PATE3: variants seen among roughly 807,000 people sequenced by gnomAD.
PATE3 encodes prostate and testis expressed 3.
Under a neutral mutation model 7.4 loss-of-function variants are expected in PATE3, and 7 were observed. That is an observed-to-expected ratio of 0.95 (90% confidence interval 0.54 to 1.78). PATE3 has a LOEUF of 1.78. Among genes scored for constraint, PATE3 ranks in the 40% most tolerant of loss-of-function variants. PATE3 has a pLI of 0.00. For missense variants in PATE3, 117 were observed against 122.5 expected, an observed-to-expected ratio of 0.96 and a Z score of 0.21; for synonymous variants, 38 against 40.2, an observed-to-expected ratio of 0.94 and a Z score of 0.21.
intron 2 of PATE3, among the ~76,000 whole-genome samples, chr11:125,790,105 T>C (rs1943596554): frequency 6.6e-6 from 1 of 152,148 alleles, no homozygotes; most frequent in Admixed American, 6.5e-5. Context: ...GTCATGGAGG[T>C]AGAGACTAGA....
In PATE3 at chr11:125,789,486, C is replaced by A. The variant is rs1943592194; in HGVS notation, c.150C>A (p.Cys50Ter). Residue 50 changes from cysteine (C) to a stop codon, truncating the protein, a stop_gained, in exon 2 of 3, where the codon TGC becomes TGA. Transcript: ENST00000445202. LOFTEE classifies it low-confidence loss of function (END_TRUNC). The part of the protein sequence containing the change: ...GVCTAQKGEA[C>*]MLLRIYQRNT... The stretch of plus-strand genomic sequence containing the variant: ...GTACTGCTCAGAAGGGCGAGGCATG[C>A]ATGCTCTTAAGGATTTACCAGCGTA... 2 of 1,551,602 alleles carry A rather than the reference C, an allele frequency of 1.3e-6. No homozygotes were observed. Among genetic ancestry groups the A allele is most frequent in the Non-Finnish European group, 1.7e-6 (2 of 1,146,920 alleles).
chr11:125,789,270 CTCT>C (rs1419781061), intron 1 of PATE3, 113 bp from the exon 2 acceptor site: 2 of 1,061,408 alleles, frequency 1.9e-6, no homozygotes, highest in Non-Finnish European at 1.3e-6. Flanking sequence ...CAACCAGTAG[CTCT>C]TCATCTGCCT....
chr11:125,790,509 T>C lies in PATE3; in HGVS notation c.204T>C (p.Cys68=), dbSNP rs1943601390. The change falls in exon 3 of 3, where the codon TGT becomes TGC. Residue 68 remains cysteine (C), a synonymous_variant. Coordinates refer to ENST00000445202, the MANE Select transcript of PATE3 (RefSeq NM_001129883.4). ...CTCTCCAGATATCATACATGGTGTGTCAGAAATTCTGCAGAGACATGACAT... is the reference window on the plus strand; with the variant it reads ...CTCTCCAGATATCATACATGGTGTGCCAGAAATTCTGCAGAGACATGACAT... ...RNTLQISYMV[C]QKFCRDMTFD... 6.4e-7 allele frequency: 1 copy of C among 1,551,154 alleles called. No individual in the cohort carries two copies. The highest frequency in any genetic ancestry group is 8.7e-7 in the Non-Finnish European group (1 of 1,146,638).
Position 125,789,528 on chromosome 11 carries a change from A to C in PATE3, c.172+20A>C, listed in dbSNP as rs495869. 889,368 of 1,544,806 alleles carry C rather than the reference A, an allele frequency of 0.58. 257,306 individuals are homozygous for C. The highest frequency in any genetic ancestry group is 0.59 in the Non-Finnish European group (673,036 of 1,142,090). On this transcript the variant is annotated intron_variant, in intron 2 of 2. Coordinates refer to ENST00000445202, the MANE Select transcript of PATE3 (RefSeq NM_001129883.4). ...ACCAGCGTAAGTTAGAGGGTCAGGG[A>C]AGGTGTTGTAAGATTCTTAGAATTC...
At chr11:125,789,239 C>G in intron 1 of PATE3, 147 bp from the exon 2 acceptor site, 1 of 719,458 alleles carries the variant, frequency 1.4e-6, no homozygotes, top group Non-Finnish European at 2.2e-6. Flanking sequence ...AGAGCTCCAA[C>G]TGTTTACCGC....
intron 2 of PATE3, among the ~76,000 whole-genome samples, 186 bp downstream of exon 2, chr11:125,789,694 A>C (rs1943593493): frequency 6.6e-6 from 1 of 152,172 alleles, no homozygotes. Flanking sequence ...GAACTTGGGG[A>C]TTCTATATTT....
intron 2 of PATE3, among the ~76,000 whole-genome samples, chr11:125,789,778 T>A (rs557225633): frequency 7.8e-4 from 119 of 152,350 alleles, no homozygotes; most frequent in Non-Finnish European, 1.4e-3. Context: ...TGAGTATATG[T>A]GATTTTTCAT....
Position 125,790,872 on chromosome 11 carries a change from C to A in PATE3, c.*270C>A, listed in dbSNP as rs1044557298. ...TCCAAGAAACCTGCCCCAAGAGTTC[C>A]TGTACAGTAAAATTTAAAGCAGGAA... On this transcript the variant is annotated 3_prime_UTR_variant, in exon 3 of 3. Coordinates refer to ENST00000445202, the MANE Select transcript of PATE3 (RefSeq NM_001129883.4). The A allele has an allele frequency of 3.6e-6, 1 of 280,670 alleles. No individual in the cohort carries two copies. Among genetic ancestry groups the A allele is most frequent in the Non-Finnish European group, 6.6e-6 (1 of 152,050 alleles). 17.4% of individuals were successfully genotyped at this position (280,670 alleles called of 1,614,324 possible). A position where few individuals can be genotyped will look rare whatever the true frequency, so the allele number is the denominator to read the frequency against.
At position 125,790,530 on chromosome 11, in the gene PATE3, G is replaced by A. The variant is rs1306914253; in HGVS notation, c.225G>A (p.Met75Ile). 7 of 1,550,924 alleles carry A rather than the reference G, an allele frequency of 4.5e-6. No individual in the cohort carries two copies. In the East Asian group the frequency reaches 1.7e-4, roughly 38 times the overall value. The change falls in exon 3 of 3, where the codon ATG becomes ATA. Residue 75 changes from methionine to isoleucine, a missense_variant. Met to Ile is a conservative substitution (Grantham distance 10, BLOSUM62 1). Transcript: ENST00000445202. Reference protein sequence around the residue: ...YMVCQKFCRDMTFDLRNRTYV... With the variant: ...YMVCQKFCRDITFDLRNRTYV... ...TGTGTCAGAAATTCTGCAGAGACAT[G>A]ACATTTGATCTCAGGAATCGGACTT...
chr11:125,790,662 C>A lies in PATE3; in HGVS notation c.*60C>A. The A allele has an allele frequency of 6.7e-7, 1 of 1,498,614 alleles. No individual in the cohort carries two copies. Among genetic ancestry groups the A allele is most frequent in the South Asian group, 1.3e-5 (1 of 77,324 alleles). The allele number at this position is 1,498,614 out of a possible 1,614,324, so 92.8% of individuals were successfully genotyped here. A position where few individuals can be genotyped will look rare whatever the true frequency, so the allele number is the denominator to read the frequency against. ...TCCCCAATGTTGCTCATCCTTCACA[C>A]TCTGCTGGCCCTTGCTTCCCTTCCG... On this transcript the variant is annotated 3_prime_UTR_variant, in exon 3 of 3. Coordinates refer to ENST00000445202, the MANE Select transcript of PATE3 (RefSeq NM_001129883.4).
chr11:125,788,763 T>G (rs1328887929), intron 1 of PATE3, among the ~76,000 whole-genome samples: 2 of 152,178 alleles, frequency 1.3e-5, no homozygotes, highest in African/African-American at 4.8e-5. Flanking sequence ...CTTACAAGGC[T>G]TTTGCGAGGA....
At chr11:125,789,872 C>T (rs180923592) in intron 2 of PATE3, among the ~76,000 whole-genome samples, 2 of 152,206 alleles carry the variant, frequency 1.3e-5, no homozygotes, top group East Asian at 3.9e-4. Flanking sequence ...GTATTGAGAA[C>T]ATTCTATATG....
chr11:125,788,130 C>A lies in PATE3; in HGVS notation c.-22C>A. On this transcript the variant is annotated 5_prime_UTR_variant, in exon 1 of 3. Transcript: ENST00000445202. ...TGCAGCCCCTAGCTTCTTTTTCCTG[C>A]ACAAGGGATTTCCGGGTCAGGATGA... 1.3e-6 allele frequency: 2 copies of A among 1,550,636 alleles called. No homozygotes were observed. Among genetic ancestry groups the A allele is most frequent in the Non-Finnish European group, 1.7e-6 (2 of 1,146,216 alleles).
chr11:125,788,712 C>T (rs1009458784), intron 1 of PATE3, among the ~76,000 whole-genome samples: 8 of 152,002 alleles, frequency 5.3e-5, no homozygotes, highest in African/African-American at 1.9e-4. Context: ...AATCTCTGTA[C>T]CTTTGGTTGC....
rs771277734 is a variant in PATE3, at chr11:125,790,886, T to G, written c.*284T>G. On this transcript the variant is annotated 3_prime_UTR_variant, in exon 3 of 3. Transcript: ENST00000445202. ...CCCAAGAGTTCCTGTACAGTAAAAT[T>G]TAAAGCAGGAACATTCTAGAATCTT... 17 of 248,190 alleles carry G rather than the reference T, an allele frequency of 6.8e-5. No homozygotes were observed. Among genetic ancestry groups the G allele is most frequent in the Middle Eastern group, 1.2e-3 (1 of 852 alleles). The allele number at this position is 248,190 out of a possible 1,614,324, so 15.4% of individuals were successfully genotyped here. A position where few individuals can be genotyped will look rare whatever the true frequency, so the allele number is the denominator to read the frequency against.
chr11:125,789,654 A>C, intron 2 of PATE3, 146 bp downstream of exon 2: 1 of 869,740 alleles, frequency 1.1e-6, no homozygotes, highest in Admixed American at 3.3e-5. Flanking sequence ...TACAGACAGA[A>C]GATAATTTGG....
At chr11:125,790,365 C>A in intron 2 of PATE3, 113 bp from the exon 3 acceptor site, 1 of 1,070,636 alleles carries the variant, frequency 9.3e-7, no homozygotes, top group Non-Finnish European at 1.3e-6. Context: ...GCTGGGAAGC[C>A]ATTCCTCAAC....
At position 125,790,629 on chromosome 11, in the gene PATE3, T is replaced by C. The variant is rs759952401; in HGVS notation, c.*27T>C. 6.5e-7 allele frequency: 1 copy of C among 1,545,640 alleles called. No individual in the cohort carries two copies. The highest frequency in any genetic ancestry group is 1.2e-5 in the South Asian group (1 of 82,760). On this transcript the variant is annotated 3_prime_UTR_variant, in exon 3 of 3. Transcript: ENST00000445202. ...ATATTTGCCCTCCTGAGGTCTCGCTTTGGAATGTCCCCAATGTTGCTCATC... is the reference window on the plus strand; with the variant it reads ...ATATTTGCCCTCCTGAGGTCTCGCTCTGGAATGTCCCCAATGTTGCTCATC...
At chr11:125,788,548 T>C (rs576677287) in intron 1 of PATE3, among the ~76,000 whole-genome samples, 1 of 152,350 alleles carries the variant, frequency 6.6e-6, no homozygotes, top group South Asian at 2.1e-4. Flanking sequence ...GGTCAGTCTA[T>C]AATGAATAAT....
Sources: gnomAD v4.1 joint callset for allele counts (sites outside exome capture counted in the v4.1 genomes callset) on GRCh38, gnomAD v4.1.1 for gene constraint, MANE v1.5 for transcripts, NCBI Gene and HGNC (gene_info 2026-07-23, HGNC 2026-07-21) for gene names.